The following RCAN2 variants were observed in gnomAD, a reference collection of about 807,000 sequenced individuals.
RCAN2 encodes calcipressin-2.
Under a neutral mutation model 23.6 loss-of-function variants are expected in RCAN2, and 9 were observed. The ratio of observed to expected loss-of-function variants is 0.38; its 90% CI spans 0.23 to 0.67. The LOEUF is 0.67. Ranked by LOEUF, RCAN2 falls within the 30% of genes least tolerant of loss-of-function variation. The pLI is 0.51. For synonymous variants in RCAN2, 109 were observed against 115.7 expected, an observed-to-expected ratio of 0.94 and a Z score of 0.37; for missense variants, 273 against 302.3, an observed-to-expected ratio of 0.90 and a Z score of 0.72.
At chr6:46,418,812 G>A (rs183090829) in intron 2 of RCAN2, among the ~76,000 whole-genome samples, 40 of 150,282 alleles carry the variant, frequency 2.7e-4, no homozygotes, top group Admixed American at 1.5e-3. Context: ...GTGATTGGCC[G>A]GGCACAGTGG....
chr6:46,384,516 C>G (rs972690983), intron 2 of RCAN2, among the ~76,000 whole-genome samples: 3 of 152,178 alleles, frequency 2.0e-5, no homozygotes, highest in African/African-American at 7.2e-5. Context: ...TATCCTAAGG[C>G]CAATGTAATT....
chr6:46,237,195 T>C (rs145062558), intron 4 of RCAN2, among the ~76,000 whole-genome samples: 294 of 152,366 alleles, frequency 1.9e-3, no homozygotes, highest in Non-Finnish European at 3.6e-3. Context: ...ATTTGTTCTC[T>C]AGCTAAAGAT....
At position 46,414,048 on chromosome 6, in the gene RCAN2, G is replaced by T. The variant is rs115302052; in HGVS notation, c.225+42704C>A. ...AAGGTAGCAAGGAGGTGGGAGTAAT[G>T]GGCCAATCTGTAGGGACTCTGGACA... On this transcript the variant is annotated intron_variant, in intron 2 of 4. Transcript: ENST00000371374. 6.3e-3 allele frequency among the ~76,000 whole-genome samples: 961 copies of T among 152,248 alleles called. 12 individuals carry two copies. Among genetic ancestry groups the T allele is most frequent in the African/African-American group, 0.022 (933 of 41,542 alleles).
chr6:46,442,894 A>C (rs2150423675), intron 2 of RCAN2, among the ~76,000 whole-genome samples: 1 of 152,272 alleles, frequency 6.6e-6, no homozygotes, highest in East Asian at 1.9e-4. Context: ...TAGTCACTTT[A>C]AGAAAGGTTA....
At chr6:46,361,776 T>A (rs1324997592) in intron 2 of RCAN2, among the ~76,000 whole-genome samples, 2 of 152,206 alleles carry the variant, frequency 1.3e-5, no homozygotes, top group Non-Finnish European at 2.9e-5. Flanking sequence ...ATGGAGTCAC[T>A]GCTCCTAAAG....
intron 2 of RCAN2, among the ~76,000 whole-genome samples, chr6:46,369,106 T>G (rs940785342): frequency 1.3e-5 from 2 of 152,090 alleles, no homozygotes; most frequent in Non-Finnish European, 2.9e-5. Context: ...AGCTAAAAAC[T>G]AAGACACAAA....
chr6:46,374,716 G>T (rs748654645), intron 2 of RCAN2, among the ~76,000 whole-genome samples: 126 of 151,986 alleles, frequency 8.3e-4, no homozygotes, highest in Non-Finnish European at 1.7e-3. Flanking sequence ...GCCTGCCTCT[G>T]TTTGCTCTAC....
At chr6:46,381,366 G>A (rs556454545) in intron 2 of RCAN2, among the ~76,000 whole-genome samples, 1 of 152,234 alleles carries the variant, frequency 6.6e-6, no homozygotes, top group South Asian at 2.1e-4. Context: ...CTGCTCCTGT[G>A]GCTCGGTTCT....
chr6:46,465,721 G>A (rs566583615), intron 1 of RCAN2, among the ~76,000 whole-genome samples: 1 of 152,228 alleles, frequency 6.6e-6, no homozygotes, highest in Non-Finnish European at 1.5e-5. Flanking sequence ...AAACCAGAGG[G>A]CCAGGGGGCC....
chr6:46,473,105 T>C (rs911762305), intron 1 of RCAN2, among the ~76,000 whole-genome samples: 3 of 152,228 alleles, frequency 2.0e-5, no homozygotes, highest in African/African-American at 7.2e-5. Flanking sequence ...CAGGACAGTT[T>C]GATTAGTTAT....
At chr6:46,276,168 T>C (rs538811912) in intron 2 of RCAN2, among the ~76,000 whole-genome samples, 1 of 152,234 alleles carries the variant, frequency 6.6e-6, no homozygotes, top group Admixed American at 6.5e-5. Flanking sequence ...TAAGCCAAGA[T>C]TGTGCCACTG....
intron 4 of RCAN2, among the ~76,000 whole-genome samples, chr6:46,243,809 C>CAAAAAAAAAAAAAAAAA (rs376524527): frequency 1.8e-5 from 1 of 55,026 alleles, no homozygotes; most frequent in Non-Finnish European, 3.0e-5. Flanking sequence ...GATTCTGTCT[C>CAAAAAAAAAAAAAAAAA]AAAAAAAAAA....
At chr6:46,443,921 C>A (rs1042278949) in intron 2 of RCAN2, among the ~76,000 whole-genome samples, 6 of 152,208 alleles carry the variant, frequency 3.9e-5, no homozygotes, top group Admixed American at 3.3e-4. Context: ...CCTCACTCTA[C>A]TCTTTTTTAT....
chr6:46,480,190 T>C (rs1290085513), intron 1 of RCAN2, among the ~76,000 whole-genome samples: 2 of 152,182 alleles, frequency 1.3e-5, no homozygotes, highest in Non-Finnish European at 2.9e-5. Flanking sequence ...ATTACCAGTA[T>C]AATTATAGGA....
chr6:46,356,898 A>G (rs1027813068), intron 2 of RCAN2, among the ~76,000 whole-genome samples: 12 of 152,350 alleles, frequency 7.9e-5, no homozygotes, highest in Admixed American at 5.2e-4. Flanking sequence ...AGGGGGCTAA[A>G]GGACCTATCA....
At chr6:46,361,080 A>G (rs1052100478) in intron 2 of RCAN2, among the ~76,000 whole-genome samples, 7 of 152,210 alleles carry the variant, frequency 4.6e-5, no homozygotes, top group African/African-American at 1.7e-4. Context: ...TCTTGTTTCA[A>G]ACAAATTTCT....
At chr6:46,308,850 G>T (rs1002360634) in intron 2 of RCAN2, among the ~76,000 whole-genome samples, 1 of 152,130 alleles carries the variant, frequency 6.6e-6, no homozygotes, top group Non-Finnish European at 1.5e-5. Flanking sequence ...TCATGAAAAT[G>T]GTTTCAATAA....
At chr6:46,399,390 G>A (rs1766183580) in intron 2 of RCAN2, among the ~76,000 whole-genome samples, 2 of 150,858 alleles carry the variant, frequency 1.3e-5, no homozygotes, top group Non-Finnish European at 3.0e-5. Context: ...AAGGTGCCAG[G>A]AAAACTAATA....
chr6:46,431,803 G>A (rs191665987), intron 2 of RCAN2, among the ~76,000 whole-genome samples: 1 of 152,264 alleles, frequency 6.6e-6, no homozygotes, highest in East Asian at 1.9e-4. Context: ...ATTATCTGAC[G>A]ATTAACAATC....
Sources: allele counts gnomAD v4.1 joint callset (sites outside exome capture counted in the v4.1 genomes callset), GRCh38; gene constraint gnomAD v4.1.1; transcripts MANE v1.5; gene names NCBI Gene and HGNC (gene_info 2026-07-23, HGNC 2026-07-21).